The following ALK variants were observed in gnomAD, a reference collection of about 807,000 sequenced individuals.
ALK encodes the protein ALK tyrosine kinase receptor.
In ALK, 74 loss-of-function variants were observed where a neutral mutation model predicts 163.1. The observed-to-expected ratio is 0.45, with a 90% CI of 0.38 to 0.55. ALK has a LOEUF of 0.55. ALK is among the 20% of genes least tolerant of loss of function. ALK has a pLI of 0.00. For missense variants in ALK, 2,063 were observed against 2,105.3 expected (o/e 0.98, Z 0.39); for synonymous variants, 960 against 843.2 (o/e 1.14, Z -2.40).
chr2:29,476,868 A>G (rs1671537462), intron 4 of ALK, among the ~76,000 whole-genome samples: 1 of 152,164 alleles, frequency 6.6e-6, no homozygotes, highest in Non-Finnish European at 1.5e-5. Flanking sequence ...ATAGCTAGGA[A>G]TTTGTTACTA....
At chr2:29,825,997 G>C (rs545966106) in intron 1 of ALK, among the ~76,000 whole-genome samples, 10 of 152,228 alleles carry the variant, frequency 6.6e-5, no homozygotes, top group Non-Finnish European at 1.5e-4. Flanking sequence ...CCATGACATG[G>C]TCTTGTGACT....
At chr2:29,488,044 A>C (rs112987277) in intron 4 of ALK, among the ~76,000 whole-genome samples, 17 of 152,272 alleles carry the variant, frequency 1.1e-4, no homozygotes, top group African/African-American at 4.1e-4. Context: ...GTGCACACAG[A>C]AAAGCACTAA....
At chr2:29,693,541 A>C (rs1013565028) in intron 3 of ALK, among the ~76,000 whole-genome samples, 4 of 152,154 alleles carry the variant, frequency 2.6e-5, no homozygotes, top group African/African-American at 7.2e-5. Context: ...AAAAACAAAA[A>C]GTCAGCCCAG....
chr2:29,285,435 G>C (rs1224042885), intron 9 of ALK, among the ~76,000 whole-genome samples: 2 of 152,170 alleles, frequency 1.3e-5, no homozygotes, highest in South Asian at 4.2e-4. Flanking sequence ...ATTTTTAGTA[G>C]AGATGGGGTT....
intron 8 of ALK, among the ~76,000 whole-genome samples, chr2:29,310,296 G>T (rs1459210187): frequency 6.6e-6 from 1 of 152,120 alleles, no homozygotes; most frequent in African/African-American, 2.4e-5. Flanking sequence ...ATAAATGGGG[G>T]TAATAATTTT....
At chr2:29,638,784 C>G (rs75911234) in intron 3 of ALK, among the ~76,000 whole-genome samples, 3,036 of 152,146 alleles carry the variant, frequency 0.02, 40 homozygotes, top group Non-Finnish European at 0.03. Flanking sequence ...CACAGCACCC[C>G]CTCTCATTAG....
At chr2:29,211,970 C>T (rs1312276787) in intron 24 of ALK, among the ~76,000 whole-genome samples, 1 of 152,152 alleles carries the variant, frequency 6.6e-6, no homozygotes, top group East Asian at 1.9e-4. Context: ...ATCCTGTTAA[C>T]ATCATAGCAA....
chr2:29,606,034 C>G lies in ALK; in HGVS notation c.953-73918G>C, dbSNP rs893585142. ...CTACCATCCTTCCACCTCCCACCCC[C>G]ACTGCCACCTCCCCATAACCTCACA... On this transcript the variant is annotated intron_variant, in intron 3 of 28. Coordinates refer to ENST00000389048, the MANE Select transcript of ALK (RefSeq NM_004304.5). Among the ~76,000 whole-genome samples the G allele has an allele frequency of 4.6e-5, 7 of 152,274 alleles. No individual in the cohort carries two copies. The South Asian group carries it at 1.0e-3, about 23-fold the overall frequency.
chr2:29,743,616 C>T (rs543966191), intron 1 of ALK, among the ~76,000 whole-genome samples: 4 of 152,164 alleles, frequency 2.6e-5, no homozygotes, highest in Non-Finnish European at 4.4e-5. Context: ...CTGAACATGA[C>T]CCTTAAATTG....
chr2:29,579,024 G>T (rs1674602753), intron 3 of ALK, among the ~76,000 whole-genome samples: 1 of 152,236 alleles, frequency 6.6e-6, no homozygotes, highest in Admixed American at 6.5e-5. Context: ...CACTCTTGAA[G>T]AAGTACTAGC....
At chr2:29,225,771 G>A (rs1353867925) in intron 18 of ALK, among the ~76,000 whole-genome samples, 1 of 152,210 alleles carries the variant, frequency 6.6e-6, no homozygotes, top group Admixed American at 6.5e-5. Context: ...TAGCTTTTGG[G>A]TGAAGGGAAA....
intron 4 of ALK, among the ~76,000 whole-genome samples, chr2:29,428,681 G>A (rs939919892): frequency 6.6e-6 from 1 of 151,918 alleles, no homozygotes; most frequent in Non-Finnish European, 1.5e-5. Context: ...ACTGAATTAT[G>A]TCATTTAAAA....
intron 1 of ALK, among the ~76,000 whole-genome samples, chr2:29,768,538 A>C (rs1181467462): frequency 6.6e-6 from 1 of 152,226 alleles, no homozygotes; most frequent in Non-Finnish European, 1.5e-5. Context: ...AGATACAACA[A>C]AGTTCCATTA....
chr2:29,760,145 T>G (rs141986789), intron 1 of ALK, among the ~76,000 whole-genome samples: 21 of 152,184 alleles, frequency 1.4e-4, no homozygotes, highest in Admixed American at 1.4e-3. Flanking sequence ...TGGCAACATT[T>G]TTGTCTAGCC....
At chr2:29,486,951 G>A (rs567435732) in intron 4 of ALK, among the ~76,000 whole-genome samples, 1 of 152,240 alleles carries the variant, frequency 6.6e-6, no homozygotes, top group Admixed American at 6.5e-5. Context: ...TTAAATGACA[G>A]CAATTTTAAA....
chr2:29,275,306 G>A (rs943783318), intron 10 of ALK, 79 bp from the exon 11 acceptor site: 2 of 1,610,716 alleles, frequency 1.2e-6, no homozygotes, highest in Admixed American at 3.3e-5. Context: ...ACTGAGGGAG[G>A]TGGGAGAGAC....
chr2:29,814,517 G>A (rs541188249), intron 1 of ALK, among the ~76,000 whole-genome samples: 1 of 151,892 alleles, frequency 6.6e-6, no homozygotes, highest in Admixed American at 6.6e-5. Context: ...AAAATTAGCT[G>A]GGCGAGGTGG....
At chr2:29,879,549 C>T (rs1273104051) in intron 1 of ALK, among the ~76,000 whole-genome samples, 2 of 152,184 alleles carry the variant, frequency 1.3e-5, no homozygotes, top group East Asian at 1.9e-4. Flanking sequence ...CCAAACAAAT[C>T]CCACTGTCCA....
Position 29,920,350 on chromosome 2 carries a change from G to A in ALK, c.310C>T (p.Pro104Ser), listed in dbSNP as rs576431612. Residue 104 changes from proline to serine, a missense_variant, in exon 1 of 29, where the codon CCG becomes TCG. Coordinates refer to ENST00000389048, the MANE Select transcript of ALK (RefSeq NM_004304.5). ...DCAPLLRLLG[P>S]APGVSWTAGS... ...GCGGTCCAGGAGACCCCCGGCGCCG[G>A]CCCCAGCAACCTGAGCAGCGGGGCG... 5.5e-5 allele frequency: 86 copies of A among 1,552,140 alleles called. No homozygotes were observed. The African/African-American group carries it at 7.2e-4, about 13-fold the overall frequency.
Sources: gnomAD v4.1 joint callset for allele counts (sites outside exome capture counted in the v4.1 genomes callset) on GRCh38, gnomAD v4.1.1 for gene constraint, MANE v1.5 for transcripts, NCBI Gene and HGNC (gene_info 2026-07-23, HGNC 2026-07-21) for gene names.